The following AKAP13 variants were observed in gnomAD, a reference collection of about 807,000 sequenced individuals.
The protein encoded by AKAP13 is A-kinase anchor protein 13.
A neutral mutation model predicts 264.5 loss-of-function variants in AKAP13; 80 were observed. That is an observed-to-expected ratio of 0.30 (90% CI 0.25 to 0.36). AKAP13 has a LOEUF of 0.36. AKAP13 is among the 10% of genes least tolerant of loss of function. AKAP13 has a pLI of 1.00. For missense variants in AKAP13, 3,712 were observed against 3,435.2 expected, an observed-to-expected ratio of 1.08 and a Z score of -2.01; for synonymous variants, 1,380 against 1,250.2, an observed-to-expected ratio of 1.10 and a Z score of -2.19.
At chr15:85,555,815 TTGTATCATATACATA>T (rs6145664) in intron 5 of AKAP13, among the ~76,000 whole-genome samples, 30,050 of 152,168 alleles carry the variant, frequency 0.2, 3,357 homozygotes, top group South Asian at 0.35. Flanking sequence ...TTGAATTTTG[TTGTATCATATACATA>T]AACTGTGGAC....
At chr15:85,557,942 T>C (rs368440567) in intron 5 of AKAP13, among the ~76,000 whole-genome samples, 5 of 152,344 alleles carry the variant, frequency 3.3e-5, no homozygotes, top group Admixed American at 6.5e-5. Flanking sequence ...AGTTTACCTT[T>C]GGGAGAAAAT....
At chr15:85,673,835 G>A (rs973877759) in intron 14 of AKAP13, among the ~76,000 whole-genome samples, 8 of 146,290 alleles carry the variant, frequency 5.5e-5, no homozygotes, top group African/African-American at 1.5e-4. Flanking sequence ...ACAGGTGCCC[G>A]CCACCACACC....
intron 1 of AKAP13, among the ~76,000 whole-genome samples, chr15:85,427,283 T>C (rs2072837176): frequency 1.3e-5 from 2 of 152,086 alleles, no homozygotes; most frequent in Non-Finnish European, 2.9e-5. Flanking sequence ...TTATAAGAAT[T>C]GAAACCTTGC....
At chr15:85,467,660 A>G (rs963665769) in intron 1 of AKAP13, among the ~76,000 whole-genome samples, 2 of 152,186 alleles carry the variant, frequency 1.3e-5, no homozygotes, top group African/African-American at 4.8e-5. Context: ...CTCTTGGAAC[A>G]TATCTACTTT....
At chr15:85,572,724 G>A (rs1714706635) in intron 5 of AKAP13, among the ~76,000 whole-genome samples, 1 of 152,030 alleles carries the variant, frequency 6.6e-6, no homozygotes, top group African/African-American at 2.4e-5. Flanking sequence ...GAACGTGCAG[G>A]TTTATTACAT....
In AKAP13 at chr15:85,438,908, G is replaced by A. The variant is rs1427092661; in HGVS notation, c.-11-46802G>A. On this transcript the variant is annotated intron_variant, in intron 1 of 36. Transcript: ENST00000394518. ...ATTACCATTCAGGACATAGGCATGG[G>A]CAAGGACTTCATGTCCAAAACACCA... 2.7e-5 allele frequency among the ~76,000 whole-genome samples: 4 copies of A among 146,892 alleles called. 1 individual carries two copies. Among genetic ancestry groups the A allele is most frequent in the African/African-American group, 1.0e-4 (4 of 39,722 alleles).
At position 85,544,184 on chromosome 15, in the gene AKAP13, GC is replaced by G. The variant is rs1478729442; in HGVS notation, c.662+231del. 6 of 669,782 alleles carry G rather than the reference GC, an allele frequency of 9.0e-6. No homozygotes were observed. In the Admixed American group the frequency reaches 1.2e-4, roughly 14 times the overall value. The allele number at this position is 669,782 out of a possible 1,614,324, so 41.5% of individuals were successfully genotyped here. On this transcript the variant is annotated intron_variant, in intron 5 of 36. Coordinates refer to ENST00000394518, the MANE Select transcript of AKAP13 (RefSeq NM_007200.5). ...CATTTTCTCTCTCGTCTGCCTGCCTGCCTTCTTCAATTCTTATCTCTTATAT... is the reference window on the plus strand; with the variant it reads ...CATTTTCTCTCTCGTCTGCCTGCCTGCTTCTTCAATTCTTATCTCTTATAT...
At chr15:85,647,302 G>A (rs1482490769) in intron 10 of AKAP13, among the ~76,000 whole-genome samples, 1 of 152,202 alleles carries the variant, frequency 6.6e-6, no homozygotes, top group Non-Finnish European at 1.5e-5. Flanking sequence ...GGAGGCTGAA[G>A]CAGGAGAATT....
intron 1 of AKAP13, among the ~76,000 whole-genome samples, chr15:85,436,578 C>A (rs1360641703): frequency 1.4e-5 from 2 of 148,002 alleles, no homozygotes; most frequent in South Asian, 4.5e-4. Flanking sequence ...TAAAGCTCTC[C>A]TCAGCAAATG....
intron 3 of AKAP13, among the ~76,000 whole-genome samples, chr15:85,523,107 G>T (rs145921609): frequency 4.6e-5 from 7 of 151,846 alleles, no homozygotes; most frequent in Non-Finnish European, 8.8e-5. Context: ...ACACTTTAAC[G>T]TGTGAGCCTT....
intron 17 of AKAP13, among the ~76,000 whole-genome samples, chr15:85,700,840 G>T (rs1166010405): frequency 4.6e-5 from 7 of 151,764 alleles, no homozygotes. Flanking sequence ...TGCTAATATT[G>T]GTTATTTATC....
At position 85,452,682 on chromosome 15, in the gene AKAP13, G is replaced by A. The variant is rs78329341; in HGVS notation, c.-11-33028G>A. Among the ~76,000 whole-genome samples, 1,131 of 152,270 alleles carry A rather than the reference G, an allele frequency of 7.4e-3. 22 individuals carry two copies. The highest frequency in any genetic ancestry group is 0.026 in the African/African-American group (1,077 of 41,528). On this transcript the variant is annotated intron_variant, in intron 1 of 36. Transcript: ENST00000394518. ...GCTTTGGGGTATGATCCAGCAGGTG[G>A]CTCTTAGGCTTATTGGACAGCTGGT...
At chr15:85,589,958 G>C (rs2079521786) in intron 8 of AKAP13, among the ~76,000 whole-genome samples, 1 of 152,106 alleles carries the variant, frequency 6.6e-6, no homozygotes, top group Admixed American at 6.6e-5. Flanking sequence ...CCTCTCTAGG[G>C]CTCAGTTTCC....
At chr15:85,410,742 A>T (rs1379836641) in intron 1 of AKAP13, among the ~76,000 whole-genome samples, 1 of 151,376 alleles carries the variant, frequency 6.6e-6, no homozygotes, top group Non-Finnish European at 1.5e-5. Flanking sequence ...GGCCTAACTC[A>T]AATCCCTTTC....
At chr15:85,733,573 C>T (rs1436921523) in intron 30 of AKAP13, among the ~76,000 whole-genome samples, 3 of 152,162 alleles carry the variant, frequency 2.0e-5, no homozygotes, top group Non-Finnish European at 4.4e-5. Flanking sequence ...CTTTGGTCTT[C>T]TTCAAGGTCT....
chr15:85,546,933 G>A (rs951309303), intron 5 of AKAP13, among the ~76,000 whole-genome samples: 1 of 151,916 alleles, frequency 6.6e-6, no homozygotes, highest in Non-Finnish European at 1.5e-5. Flanking sequence ...TAGTAGAGAC[G>A]GGGTTTCACC....
intron 1 of AKAP13, among the ~76,000 whole-genome samples, chr15:85,455,118 A>T (rs1219907996): frequency 6.6e-6 from 1 of 152,176 alleles, no homozygotes; most frequent in Non-Finnish European, 1.5e-5. Context: ...TCCTTGGTAC[A>T]TCCTTTTAGC....
intron 1 of AKAP13, among the ~76,000 whole-genome samples, chr15:85,407,546 G>A (rs957858807): frequency 1.3e-4 from 19 of 151,642 alleles, no homozygotes; most frequent in Non-Finnish European, 2.6e-4. Context: ...GGCCTGTGCT[G>A]GGTCTTAAAG....
chr15:85,413,838 C>T (rs1171786446), intron 1 of AKAP13, among the ~76,000 whole-genome samples: 1 of 152,146 alleles, frequency 6.6e-6, no homozygotes, highest in Non-Finnish European at 1.5e-5. Context: ...CTTTATATTA[C>T]ATAGACAGCT....
Sources: gnomAD v4.1 joint callset for allele counts (sites outside exome capture counted in the v4.1 genomes callset) on GRCh38, gnomAD v4.1.1 for gene constraint, MANE v1.5 for transcripts, NCBI Gene and HGNC (gene_info 2026-07-23, HGNC 2026-07-21) for gene names.